ASPH: variants seen among roughly 807,000 people sequenced by gnomAD.
ASPH encodes the protein aspartyl/asparaginyl beta-hydroxylase.
ASPH carries 100 observed loss-of-function variants against 118.4 expected under a neutral mutation model. The observed-to-expected ratio is 0.84, with a 90% CI of 0.72 to 1.00. The LOEUF is 1.00. Among genes scored for constraint, ASPH ranks in the 50% least tolerant of loss-of-function variants. The pLI is 0.00. For missense variants in ASPH, 920 were observed against 919.5 expected (o/e 1.00, Z -0.01); for synonymous variants, 315 against 325.6 (o/e 0.97, Z 0.35).
At chr8:61,607,205 A>G (rs775553241) in intron 14 of ASPH, 1 of 684,992 alleles carries the variant, frequency 1.5e-6, no homozygotes, top group Admixed American at 2.2e-5. Flanking sequence ...AGAAGCTGTT[A>G]TCTTCTTTAT....
intron 5 of ASPH, 135 bp from the exon 6 acceptor site, chr8:61,647,013 T>G: frequency 8.8e-7 from 1 of 1,130,648 alleles, no homozygotes; most frequent in Middle Eastern, 2.0e-4. Flanking sequence ...GACACCATTG[T>G]CCACTCCACA....
chr8:61,637,841 C>A (rs1051827396), intron 12 of ASPH, 106 bp downstream of exon 12: 2 of 1,102,252 alleles, frequency 1.8e-6, no homozygotes, highest in East Asian at 2.7e-5. Context: ...ACTCCTAGCT[C>A]CTATGCACTG....
rs779318868 is a variant in ASPH, at chr8:61,576,240, G to GA, written c.1149+531dup. ...ACAGTGGGTTTATGCAGTTACAGGT[G>GA]AAAGGGGACATGCTTCATGAAAGGA... On this transcript the variant is annotated intron_variant, in intron 16 of 24. Transcript: ENST00000379454. Among the ~76,000 whole-genome samples the GA allele has an allele frequency of 2.5e-4, 38 of 152,320 alleles. 1 individual carries two copies. The highest frequency in any genetic ancestry group is 2.1e-4 in the South Asian group (1 of 4,824).
chr8:61,578,513 C>G, intron 15 of ASPH: 1 of 1,585,834 alleles, frequency 6.3e-7, no homozygotes, highest in Non-Finnish European at 8.6e-7. Context: ...TCAAGACCCT[C>G]AACAACAAGT....
intron 18 of ASPH, among the ~76,000 whole-genome samples, chr8:61,557,601 G>C (rs1828347940): frequency 6.6e-6 from 1 of 152,146 alleles, no homozygotes. Context: ...ATCACCGTCT[G>C]ACCTAGTATA....
At chr8:61,592,023 A>T (rs1841284610) in intron 14 of ASPH, among the ~76,000 whole-genome samples, 1 of 152,228 alleles carries the variant, frequency 6.6e-6, no homozygotes, top group South Asian at 2.1e-4. Flanking sequence ...TTTAGACATT[A>T]CACAGACACA....
At chr8:61,638,427 T>C (rs1016770035) in intron 10 of ASPH, 64 bp from the exon 11 acceptor site, 7 of 1,382,484 alleles carry the variant, frequency 5.1e-6, no homozygotes, top group Middle Eastern at 1.8e-4. Flanking sequence ...ACTGACAACA[T>C]GCTTTAAGGG....
chr8:61,623,149 T>C (rs1851572524), intron 13 of ASPH, among the ~76,000 whole-genome samples: 4 of 152,204 alleles, frequency 2.6e-5, no homozygotes, highest in Non-Finnish European at 1.5e-5. Flanking sequence ...CTCCTAGTGG[T>C]TGTACTAATT....
chr8:61,651,082 G>A lies in ASPH; in HGVS notation c.458C>T (p.Ser153Phe). ...IEDEAKEQIQ[S>F]LLHEMVHAEH... ...TGCGTGTACCATTTCATGGAGAAGGGACTGAATTTGTTCTTTTGCTTCATC... is the reference window on the plus strand; with the variant it reads ...TGCGTGTACCATTTCATGGAGAAGGAACTGAATTTGTTCTTTTGCTTCATC... The change falls in exon 5 of 25, where the codon TCC (serine) becomes TTC (phenylalanine). Residue 153 changes from serine (S) to phenylalanine (F), a missense_variant. Physicochemically the swap from Ser to Phe is radical, Grantham distance 155. Transcript: ENST00000379454. The A allele has an allele frequency of 1.2e-6, 2 of 1,613,708 alleles. No individual in the cohort carries two copies. Among genetic ancestry groups the A allele is most frequent in the Non-Finnish European group, 1.7e-6 (2 of 1,179,864 alleles).
At chr8:61,637,640 T>G (rs981377183) in intron 12 of ASPH, among the ~76,000 whole-genome samples, 1 of 152,126 alleles carries the variant, frequency 6.6e-6, no homozygotes, top group African/African-American at 2.4e-5. Context: ...AGATCACCCC[T>G]CAGGGGTGGT....
intron 1 of ASPH, among the ~76,000 whole-genome samples, chr8:61,705,446 T>C (rs987641760): frequency 2.0e-5 from 3 of 152,132 alleles, no homozygotes; most frequent in African/African-American, 7.2e-5. Context: ...GAATACTATT[T>C]GACAATAAAA....
chr8:61,643,669 G>GCC, intron 8 of ASPH, among the ~76,000 whole-genome samples: 1 of 152,298 alleles, frequency 6.6e-6, no homozygotes, highest in South Asian at 2.1e-4. Context: ...ACATCATACT[G>GCC]CCCCTTCAAT....
intron 24 of ASPH, among the ~76,000 whole-genome samples, chr8:61,513,411 A>G (rs2129615891): frequency 6.6e-6 from 1 of 152,342 alleles, no homozygotes; most frequent in East Asian, 1.9e-4. Flanking sequence ...ACTATTTTGT[A>G]ATGAAGTGCT....
intron 3 of ASPH, among the ~76,000 whole-genome samples, chr8:61,667,366 TTTA>T (rs993805392): frequency 6.7e-6 from 1 of 150,330 alleles, no homozygotes; most frequent in African/African-American, 2.5e-5. Context: ...TAATAACTTA[TTTA>T]TTATTATTAT....
chr8:61,602,615 T>C (rs1207792796), intron 14 of ASPH, among the ~76,000 whole-genome samples: 1 of 151,226 alleles, frequency 6.6e-6, no homozygotes, highest in African/African-American at 2.5e-5. Context: ...CTGGGAAATG[T>C]AAACTAATGC....
intron 1 of ASPH, 21 bp from the exon 2 acceptor site, chr8:61,684,209 G>A: frequency 6.3e-7 from 1 of 1,590,284 alleles, no homozygotes; most frequent in Non-Finnish European, 8.6e-7. Context: ...ATAAATGTAA[G>A]ATATCATAAG....
chr8:61,631,379 T>A (rs1855529483), intron 13 of ASPH, among the ~76,000 whole-genome samples: 1 of 152,176 alleles, frequency 6.6e-6, no homozygotes. Context: ...TACAGGTATA[T>A]CTTTTTATTT....
chr8:61,576,913 A>C (rs765678053), intron 15 of ASPH, 55 bp from the exon 16 acceptor site: 2 of 1,405,422 alleles, frequency 1.4e-6, no homozygotes, highest in Non-Finnish European at 2.0e-6. Flanking sequence ...ATAATCAATC[A>C]ATATTGTTAT....
intron 22 of ASPH, among the ~76,000 whole-genome samples, chr8:61,520,588 T>C (rs574590315): frequency 1.1e-4 from 17 of 152,288 alleles, no homozygotes; most frequent in African/African-American, 4.1e-4. Context: ...ATTAATGGAG[T>C]TCCCCAAATG....
Sources: allele counts gnomAD v4.1 joint callset (sites outside exome capture counted in the v4.1 genomes callset), GRCh38; gene constraint gnomAD v4.1.1; transcripts MANE v1.5; gene names NCBI Gene and HGNC (gene_info 2026-07-23, HGNC 2026-07-21).